Variants in ESRRG observed in about 807,000 individuals in gnomAD.
The protein encoded by ESRRG is estrogen related receptor gamma.
In ESRRG, 13 loss-of-function variants were observed where a neutral mutation model predicts 44.0. The ratio of observed to expected loss-of-function variants is 0.30; its 90% CI spans 0.19 to 0.47. The LOEUF (loss-of-function observed/expected upper bound fraction) is 0.47, where lower values mean the gene tolerates loss of function less well. ESRRG is among the 20% of genes least tolerant of loss of function. The pLI, the probability that ESRRG is intolerant of heterozygous loss-of-function variation, is 1.00. For synonymous variants in ESRRG, 215 were observed against 214.6 expected, an observed-to-expected ratio of 1.00 and a Z score of -0.02; for missense variants, 395 against 580.6, an observed-to-expected ratio of 0.68 and a Z score of 3.29.
chr1:216,958,682 T>C (rs1037948457), intron 1 of ESRRG, among the ~76,000 whole-genome samples: 2 of 152,156 alleles, frequency 1.3e-5, no homozygotes, highest in African/African-American at 4.8e-5. Flanking sequence ...TTCAGATCAC[T>C]CACTAAGAGC....
chr1:217,101,539 C>T (rs1054268281), intron 1 of ESRRG, among the ~76,000 whole-genome samples: 6 of 152,094 alleles, frequency 3.9e-5, no homozygotes, highest in Admixed American at 3.9e-4. Context: ...TAATTATTGG[C>T]CCAACTTCCT....
chr1:216,564,769 C>T (rs1204102435), intron 4 of ESRRG, among the ~76,000 whole-genome samples: 2 of 152,024 alleles, frequency 1.3e-5, no homozygotes, highest in Non-Finnish European at 2.9e-5. Context: ...ATAAAACCCC[C>T]AGTAAACTAT....
At chr1:216,755,914 A>G (rs1255991038) in intron 2 of ESRRG, among the ~76,000 whole-genome samples, 1 of 152,024 alleles carries the variant, frequency 6.6e-6, no homozygotes, top group Non-Finnish European at 1.5e-5. Flanking sequence ...GGTCCCTATT[A>G]GTAGCAATCC....
At chr1:217,111,305 A>G (rs950971091) in intron 1 of ESRRG, among the ~76,000 whole-genome samples, 11 of 152,082 alleles carry the variant, frequency 7.2e-5, no homozygotes, top group African/African-American at 2.2e-4. Flanking sequence ...TGACTGCACT[A>G]TTTCATCACC....
At chr1:216,859,728 A>G (rs2096015950) in intron 2 of ESRRG, among the ~76,000 whole-genome samples, 2 of 152,186 alleles carry the variant, frequency 1.3e-5, no homozygotes, top group South Asian at 4.1e-4. Flanking sequence ...AGTCTACCTA[A>G]CAAATATTAA....
Position 216,564,309 on chromosome 1 carries a change from G to A in ESRRG, c.772C>T (p.Pro258Ser). Residue 258 changes from proline (P) to serine (S), a missense_variant, in exon 5 of 7, where the codon CCC becomes TCC. By Grantham distance (74) the Pro-to-Ser change is moderately conservative (BLOSUM62 -1). This residue lies in a region of ESRRG where 167 missense variants were observed against 251.8 expected (regional missense o/e 0.66). Coordinates refer to ENST00000408911, the MANE Select transcript of ESRRG (RefSeq NM_001438.4). ...GTGAGGGCTTTGATGTCACTGTCGG[G>A]GACAGTAGGGTCAGGCATGGCATAG... ...KIYAMPDPTV[P>S]DSDIKALTTL... 1.2e-6 allele frequency: 2 copies of A among 1,610,180 alleles called. No homozygotes were observed. The highest frequency in any genetic ancestry group is 8.5e-7 in the Non-Finnish European group (1 of 1,177,326).
intron 2 of ESRRG, among the ~76,000 whole-genome samples, chr1:216,760,025 T>C (rs2092684288): frequency 6.6e-6 from 1 of 152,032 alleles, no homozygotes; most frequent in Admixed American, 6.6e-5. Context: ...GGGGTAAGTG[T>C]CCCTCTGATT....
intron 5 of ESRRG, among the ~76,000 whole-genome samples, chr1:216,541,911 G>A (rs2052915518): frequency 6.6e-6 from 1 of 151,780 alleles, no homozygotes; most frequent in Non-Finnish European, 1.5e-5. Context: ...AGATTCCTGG[G>A]AGCTTTGACT....
chr1:216,859,649 G>T (rs1300946509), intron 2 of ESRRG, among the ~76,000 whole-genome samples: 1 of 152,134 alleles, frequency 6.6e-6, no homozygotes, highest in Admixed American at 6.5e-5. Flanking sequence ...ATGGGACATT[G>T]GGTGGGGTAC....
intron 2 of ESRRG, among the ~76,000 whole-genome samples, chr1:216,842,337 G>A (rs949779791): frequency 2.0e-5 from 3 of 152,136 alleles, no homozygotes; most frequent in Non-Finnish European, 4.4e-5. Context: ...GTCCGATGCA[G>A]GTCCGTAGGG....
chr1:217,052,334 A>G (rs535734375), intron 1 of ESRRG, among the ~76,000 whole-genome samples: 114 of 152,316 alleles, frequency 7.5e-4, no homozygotes, highest in Admixed American at 2.2e-3. Context: ...GGTGCAGAAA[A>G]TGATCTCCAC....
chr1:216,989,307 C>G (rs2075319777), intron 1 of ESRRG, among the ~76,000 whole-genome samples: 2 of 151,636 alleles, frequency 1.3e-5, no homozygotes, highest in African/African-American at 4.9e-5. Context: ...CAAAAATTAG[C>G]CAGTCATGGT....
chr1:217,035,716 C>A (rs1331983074), intron 1 of ESRRG, among the ~76,000 whole-genome samples: 1 of 151,692 alleles, frequency 6.6e-6, no homozygotes, highest in East Asian at 1.9e-4. Context: ...GAGGCAGAAC[C>A]ATTCCAAAGG....
At chr1:217,045,735 T>C (rs1444981159) in intron 1 of ESRRG, among the ~76,000 whole-genome samples, 2 of 151,730 alleles carry the variant, frequency 1.3e-5, no homozygotes, top group African/African-American at 2.4e-5. Context: ...GATCAGGGAA[T>C]GTAATACATC....
At chr1:216,679,680 C>A (rs957768792) in intron 1 of ESRRG, among the ~76,000 whole-genome samples, 2 of 127,176 alleles carry the variant, frequency 1.6e-5, no homozygotes, top group Admixed American at 8.2e-5. Context: ...GCTGCTTGAT[C>A]TTCAGACCCT....
At chr1:216,884,334 T>TAC (rs1035710405) in intron 2 of ESRRG, among the ~76,000 whole-genome samples, 5 of 152,248 alleles carry the variant, frequency 3.3e-5, no homozygotes, top group African/African-American at 1.2e-4. Flanking sequence ...CACTCTTTGT[T>TAC]ACACACACGA....
chr1:216,774,250 A>T (rs1302986305), intron 2 of ESRRG, among the ~76,000 whole-genome samples: 2 of 152,108 alleles, frequency 1.3e-5, no homozygotes, highest in African/African-American at 4.8e-5. Context: ...CCTTCTGTAG[A>T]GGGAAGCCTG....
chr1:216,517,400 A>G (rs78755859), intron 6 of ESRRG, among the ~76,000 whole-genome samples: 2,221 of 152,312 alleles, frequency 0.015, 62 homozygotes, highest in African/African-American at 0.05. Flanking sequence ...ACTCTAAATT[A>G]TAATAGTCAT....
At position 216,945,974 on chromosome 1, in the gene ESRRG, T is replaced by C. The variant is rs148313277; in HGVS notation, c.-105-6301A>G. ...GGAGAAAAGTTAGTTTCAGAGGAGC[T>C]TACTTTTCACCATCATAAGGAAATA... On this transcript the variant is annotated intron_variant, in intron 1 of 7. Coordinates refer to the ESRRG transcript ENST00000359162. Among the ~76,000 whole-genome samples, 920 of 152,270 alleles carry C rather than the reference T, an allele frequency of 6.0e-3. 13 individuals carry two copies. Among genetic ancestry groups the C allele is most frequent in the African/African-American group, 0.021 (868 of 41,570 alleles).
Sources: allele counts gnomAD v4.1 joint callset (sites outside exome capture counted in the v4.1 genomes callset), GRCh38; gene constraint gnomAD v4.1.1; regional missense constraint gnomAD v4.1.1; transcripts MANE v1.5; gene names NCBI Gene and HGNC (gene_info 2026-07-23, HGNC 2026-07-21).